KHDRBS2: variants seen among roughly 807,000 people sequenced by gnomAD.
The protein encoded by KHDRBS2 is KH domain-containing, RNA-binding, signal transduction-associated protein 2.
Under a neutral mutation model 44.3 loss-of-function variants are expected in KHDRBS2, and 26 were observed. The observed-to-expected ratio is 0.59, with a 90% CI of 0.43 to 0.81. The LOEUF (loss-of-function observed/expected upper bound fraction) is 0.81. KHDRBS2 is among the 40% of genes least tolerant of loss of function. The pLI, the probability that KHDRBS2 is intolerant of heterozygous loss-of-function variation, is 0.00. For synonymous variants in KHDRBS2, 194 were observed against 151.1 expected, an observed-to-expected ratio of 1.28 and a Z score of -2.08; for missense variants, 476 against 433.1, an observed-to-expected ratio of 1.10 and a Z score of -0.88.
the KHDRBS2 span, among the ~76,000 whole-genome samples, chr6:61,656,050 C>T: frequency 1.2e-4 from 18 of 152,122 alleles, no homozygotes; most frequent in South Asian, 2.9e-3. Context: ...CAAGATGATG[C>T]CTTTAACATA....
At chr6:62,096,370 G>A (rs1274260962) in intron 2 of KHDRBS2, among the ~76,000 whole-genome samples, 1 of 151,750 alleles carries the variant, frequency 6.6e-6, no homozygotes, top group Non-Finnish European at 1.5e-5. Flanking sequence ...TTTCTTTGAT[G>A]GGAGACTTTT....
At chr6:61,824,743 T>C (rs533649418) in intron 6 of KHDRBS2, among the ~76,000 whole-genome samples, 45 of 152,306 alleles carry the variant, frequency 3.0e-4, no homozygotes, top group Non-Finnish European at 5.3e-4. Context: ...CATTAAATCA[T>C]TTCTGTTTGT....
intron 7 of KHDRBS2, among the ~76,000 whole-genome samples, chr6:61,713,486 C>G (rs1042469817): frequency 4.0e-5 from 6 of 151,306 alleles, no homozygotes; most frequent in Admixed American, 3.3e-4. Context: ...AAAGATCTAT[C>G]TTTTTCCATG....
At chr6:61,619,117 TA>T in the KHDRBS2 span, among the ~76,000 whole-genome samples, 1 of 152,010 alleles carries the variant, frequency 6.6e-6, no homozygotes, top group South Asian at 2.1e-4. Context: ...AAAGTTTAAT[TA>T]AAAATTTTTT....
intron 6 of KHDRBS2, among the ~76,000 whole-genome samples, chr6:61,892,658 T>C (rs1225680355): frequency 6.6e-6 from 1 of 152,158 alleles, no homozygotes; most frequent in Non-Finnish European, 1.5e-5. Flanking sequence ...GGGAAAGGAT[T>C]CCCTATTTAA....
intron 6 of KHDRBS2, among the ~76,000 whole-genome samples, chr6:61,750,262 G>C (rs1278125378): frequency 1.3e-5 from 2 of 152,158 alleles, no homozygotes; most frequent in African/African-American, 4.8e-5. Flanking sequence ...GAAGGCTCAT[G>C]AATACAAGCT....
At chr6:61,596,609 A>T in the KHDRBS2 span, among the ~76,000 whole-genome samples, 1 of 152,126 alleles carries the variant, frequency 6.6e-6, no homozygotes, top group Non-Finnish European at 1.5e-5. Flanking sequence ...GTAGTTGTTA[A>T]CTAGGCAACC....
At chr6:62,275,172 G>A (rs571284677) in intron 1 of KHDRBS2, among the ~76,000 whole-genome samples, 90 of 152,122 alleles carry the variant, frequency 5.9e-4, no homozygotes, top group Non-Finnish European at 1.1e-3. Context: ...TTTTCCCTAT[G>A]TAGAGATGAC....
intron 2 of KHDRBS2, among the ~76,000 whole-genome samples, chr6:62,078,512 A>C (rs1450262701): frequency 6.6e-6 from 1 of 151,982 alleles, no homozygotes; most frequent in Non-Finnish European, 1.5e-5. Flanking sequence ...TATTTTCCCC[A>C]AAACAAAGAT....
chr6:62,113,560 T>C (rs1562893614), intron 2 of KHDRBS2, among the ~76,000 whole-genome samples: 2 of 152,144 alleles, frequency 1.3e-5, no homozygotes, highest in Non-Finnish European at 2.9e-5. Flanking sequence ...ACAAACCTTA[T>C]CATCTTTTCA....
chr6:62,001,519 A>G (rs1778237358), intron 3 of KHDRBS2, among the ~76,000 whole-genome samples: 1 of 152,068 alleles, frequency 6.6e-6, no homozygotes, highest in Non-Finnish European at 1.5e-5. Context: ...GCTAACTTGA[A>G]ACTGCCCAGG....
At chr6:62,165,083 A>G (rs1247874527) in intron 2 of KHDRBS2, among the ~76,000 whole-genome samples, 2 of 151,792 alleles carry the variant, frequency 1.3e-5, no homozygotes, top group African/African-American at 4.8e-5. Flanking sequence ...TTAGTAATTA[A>G]TTATCAACAT....
chr6:62,153,467 G>A (rs1815666132), intron 2 of KHDRBS2, among the ~76,000 whole-genome samples: 1 of 148,796 alleles, frequency 6.7e-6, no homozygotes, highest in Non-Finnish European at 1.5e-5. Flanking sequence ...TCAATACTTG[G>A]CTCTTAGAAA....
chr6:61,628,080 C>A, the KHDRBS2 span, among the ~76,000 whole-genome samples: 3 of 152,070 alleles, frequency 2.0e-5, no homozygotes, highest in Non-Finnish European at 4.4e-5. Flanking sequence ...ATAATCCTTT[C>A]CCAGAGCCAA....
At chr6:62,061,286 C>T (rs1256741752) in intron 2 of KHDRBS2, among the ~76,000 whole-genome samples, 22 of 151,620 alleles carry the variant, frequency 1.5e-4, no homozygotes, top group African/African-American at 3.9e-4. Flanking sequence ...CTTTACATTT[C>T]GGCATGATTT....
At chr6:61,943,194 T>C (rs1014473539) in intron 4 of KHDRBS2, among the ~76,000 whole-genome samples, 2 of 152,026 alleles carry the variant, frequency 1.3e-5, no homozygotes, top group African/African-American at 4.8e-5. Context: ...CATAAATTAA[T>C]GAGAAATAAT....
At chr6:61,549,181 G>A in the KHDRBS2 span, among the ~76,000 whole-genome samples, 1 of 152,084 alleles carries the variant, frequency 6.6e-6, no homozygotes, top group East Asian at 1.9e-4. Flanking sequence ...ATAGATATTG[G>A]AAAAACCATA....
At chr6:62,203,878 G>C (rs533703414) in intron 1 of KHDRBS2, among the ~76,000 whole-genome samples, 1 of 152,168 alleles carries the variant, frequency 6.6e-6, no homozygotes, top group African/African-American at 2.4e-5. Context: ...AATGGCAGAC[G>C]TTTGGATTAT....
At chr6:61,967,947 TATATATATATAC>T (rs1770464034) in intron 4 of KHDRBS2, among the ~76,000 whole-genome samples, 3 of 99,038 alleles carry the variant, frequency 3.0e-5, no homozygotes, top group African/African-American at 4.2e-5. Context: ...TATATATATA[TATATATATATAC>T]ACACACACAC....
Sources: gnomAD v4.1 joint callset for allele counts (sites outside exome capture counted in the v4.1 genomes callset) on GRCh38, gnomAD v4.1.1 for gene constraint, MANE v1.5 for transcripts, NCBI Gene and HGNC (gene_info 2026-07-23, HGNC 2026-07-21) for gene names.